Variants in CHCHD3 observed in about 807,000 individuals in gnomAD.
The protein encoded by CHCHD3 is coiled-coil-helix-coiled-coil-helix domain containing 3, also known as MICOS complex subunit MIC19.
A neutral mutation model predicts 38.2 loss-of-function variants in CHCHD3; 20 were observed. The observed-to-expected ratio is 0.52, with a 90% CI of 0.37 to 0.76. CHCHD3 has a LOEUF of 0.76. Among genes scored for constraint, CHCHD3 ranks in the 30% least tolerant of loss-of-function variants. The pLI, the probability that CHCHD3 is intolerant of heterozygous loss-of-function variation, is 0.00. For missense variants in CHCHD3, 245 were observed against 279.2 expected, an observed-to-expected ratio of 0.88 and a Z score of 0.87; for synonymous variants, 82 against 100.0, an observed-to-expected ratio of 0.82 and a Z score of 1.07.
At chr7:132,901,910 A>G (rs1223716624) in intron 4 of CHCHD3, among the ~76,000 whole-genome samples, 1 of 152,088 alleles carries the variant, frequency 6.6e-6, no homozygotes, top group Non-Finnish European at 1.5e-5. Flanking sequence ...CCTGAATGGT[A>G]TTGCCTAGGT....
At chr7:132,799,058 T>C (rs1365361583) in intron 6 of CHCHD3, among the ~76,000 whole-genome samples, 1 of 149,430 alleles carries the variant, frequency 6.7e-6, no homozygotes, top group African/African-American at 2.5e-5. Context: ...TGTGCAGTCA[T>C]CCTCTGAAAT....
intron 4 of CHCHD3, among the ~76,000 whole-genome samples, chr7:132,901,999 T>C (rs1482876015): frequency 1.3e-5 from 2 of 152,188 alleles, no homozygotes; most frequent in Admixed American, 6.5e-5. Context: ...CTTGAATTAA[T>C]TTTTGTATAA....
chr7:133,034,391 C>T (rs1315775735), intron 2 of CHCHD3, among the ~76,000 whole-genome samples: 1 of 151,514 alleles, frequency 6.6e-6, no homozygotes. Flanking sequence ...TAATATTAAA[C>T]TATCTAGAAT....
At chr7:133,003,679 C>A (rs545903881) in intron 3 of CHCHD3, among the ~76,000 whole-genome samples, 1 of 152,176 alleles carries the variant, frequency 6.6e-6, no homozygotes, top group East Asian at 1.9e-4. Flanking sequence ...TTCTGTTTTA[C>A]ACTTGCCGAG....
At chr7:132,949,918 C>T (rs991851357) in intron 4 of CHCHD3, among the ~76,000 whole-genome samples, 2 of 152,074 alleles carry the variant, frequency 1.3e-5, no homozygotes, top group Non-Finnish European at 2.9e-5. Flanking sequence ...AAGCTCTGGC[C>T]CTTCCAATGG....
chr7:132,858,203 CA>C (rs1808392845), intron 5 of CHCHD3, among the ~76,000 whole-genome samples: 1 of 152,086 alleles, frequency 6.6e-6, no homozygotes. Flanking sequence ...GCTAGGACTA[CA>C]GGCACACTCC....
chr7:132,807,867 G>T (rs1806972136), intron 6 of CHCHD3, among the ~76,000 whole-genome samples: 1 of 151,300 alleles, frequency 6.6e-6, no homozygotes, highest in South Asian at 2.1e-4. Flanking sequence ...AAAATATACG[G>T]CATTTTATTT....
chr7:132,996,248 A>C (rs1279932053), intron 3 of CHCHD3, among the ~76,000 whole-genome samples: 1 of 152,126 alleles, frequency 6.6e-6, no homozygotes, highest in Non-Finnish European at 1.5e-5. Flanking sequence ...ACCTTTATGC[A>C]GGGCACTGTT....
intron 1 of CHCHD3, among the ~76,000 whole-genome samples, chr7:133,079,338 C>T (rs1444297221): frequency 1.3e-5 from 2 of 152,178 alleles, no homozygotes; most frequent in Non-Finnish European, 2.9e-5. Context: ...ATACTAAATA[C>T]GGAAACACAA....
At chr7:132,897,831 T>C (rs1000521554) in intron 4 of CHCHD3, among the ~76,000 whole-genome samples, 1 of 152,040 alleles carries the variant, frequency 6.6e-6, no homozygotes, top group Non-Finnish European at 1.5e-5. Context: ...GTGTCCGGAA[T>C]TGGTGGGTTC....
chr7:133,059,555 G>A (rs80228314), intron 2 of CHCHD3, among the ~76,000 whole-genome samples: 1,877 of 152,262 alleles, frequency 0.012, 33 homozygotes, highest in African/African-American at 0.042. Flanking sequence ...TAACTAGGAG[G>A]AGGACATGAA....
Position 132,950,853 on chromosome 7 carries a change from A to G in CHCHD3, c.369+24316T>C, listed in dbSNP as rs111535795. Among the ~76,000 whole-genome samples the G allele has an allele frequency of 5.2e-3, 797 of 152,292 alleles. 5 individuals are homozygous for G. The highest frequency in any genetic ancestry group is 0.015 in the South Asian group (71 of 4,824). ...TAAAATTCCTCATCTCTACAACTCA[A>G]TATTTTTCCTTGATGCATTCTAAAT... On this transcript the variant is annotated intron_variant, in intron 4 of 7. Transcript: ENST00000262570.
intron 6 of CHCHD3, among the ~76,000 whole-genome samples, chr7:132,799,611 T>C (rs1281642788): frequency 6.6e-6 from 1 of 152,182 alleles, no homozygotes; most frequent in East Asian, 1.9e-4. Flanking sequence ...GGATGAAATA[T>C]AGATTTGGAA....
chr7:133,001,688 A>G (rs1812577114), intron 3 of CHCHD3, among the ~76,000 whole-genome samples: 1 of 152,194 alleles, frequency 6.6e-6, no homozygotes, highest in African/African-American at 2.4e-5. Context: ...TTCCATTTTC[A>G]TCAACAAAGA....
intron 4 of CHCHD3, among the ~76,000 whole-genome samples, chr7:132,922,542 C>A (rs114445568): frequency 6.6e-6 from 1 of 150,938 alleles, no homozygotes; most frequent in African/African-American, 2.4e-5. Context: ...TATATCCCTG[C>A]TTCTCTTCCT....
chr7:132,976,930 C>A (rs1043558725), intron 3 of CHCHD3, among the ~76,000 whole-genome samples: 61 of 151,590 alleles, frequency 4.0e-4, no homozygotes, highest in African/African-American at 1.4e-3. Context: ...AGTTTTGTGT[C>A]TTAAATAAAA....
At chr7:133,019,511 T>C (rs1372078094) in intron 3 of CHCHD3, among the ~76,000 whole-genome samples, 2 of 152,192 alleles carry the variant, frequency 1.3e-5, no homozygotes, top group African/African-American at 4.8e-5. Flanking sequence ...AGATGGCTGA[T>C]AAAATTTATG....
chr7:132,816,881 G>A (rs1175560429), intron 6 of CHCHD3, among the ~76,000 whole-genome samples: 1 of 152,060 alleles, frequency 6.6e-6, no homozygotes, highest in East Asian at 1.9e-4. Context: ...GATTTCCCTA[G>A]ATAAAGAAGA....
At position 132,869,945 on chromosome 7, in the gene CHCHD3, T is replaced by C. The variant is rs1312770661; in HGVS notation, c.453+15717A>G. ...AAAGAGTTCTGAAAAACCTGAAAGA[T>C]TATATAAGCTTAATTGTAGGTTTAA... is the stretch of plus-strand genomic sequence containing the variant. On this transcript the variant is annotated intron_variant, in intron 5 of 7. Coordinates refer to ENST00000262570, the MANE Select transcript of CHCHD3 (RefSeq NM_017812.4). Among the ~76,000 whole-genome samples the C allele has an allele frequency of 5.9e-5, 9 of 152,026 alleles. 1 individual carries two copies. Among genetic ancestry groups the C allele is most frequent in the African/African-American group, 1.9e-4 (8 of 41,382 alleles).
Sources: gnomAD v4.1 joint callset for allele counts (sites outside exome capture counted in the v4.1 genomes callset) on GRCh38, gnomAD v4.1.1 for gene constraint, MANE v1.5 for transcripts, NCBI Gene and HGNC (gene_info 2026-07-23, HGNC 2026-07-21) for gene names.